The following LRRC8B variants were observed in gnomAD, a reference collection of about 807,000 sequenced individuals.
LRRC8B encodes leucine rich repeat containing 8 VRAC subunit B.
Under a neutral mutation model 58.8 loss-of-function variants are expected in LRRC8B, and 23 were observed. The observed-to-expected ratio is 0.39, with a 90% confidence interval of 0.28 to 0.55. The LOEUF is 0.55. Among genes scored for constraint, LRRC8B ranks in the 20% least tolerant of loss-of-function variants. The pLI is 0.62. For synonymous variants in LRRC8B, 359 were observed against 374.1 expected (o/e 0.96, Z 0.47); for missense variants, 694 against 936.0 (o/e 0.74, Z 3.37).
intron 3 of LRRC8B, among the ~76,000 whole-genome samples, chr1:89,578,862 T>C (rs1450805996): frequency 6.6e-6 from 1 of 152,224 alleles, no homozygotes; most frequent in Non-Finnish European, 1.5e-5. Flanking sequence ...AATTTAACTA[T>C]CACAAATTAT....
chr1:89,584,330 G>T lies in LRRC8B; in HGVS notation c.1680G>T (p.Leu560=), dbSNP rs749020171. The stretch of plus-strand genomic sequence containing the variant: ...TCCCACAAGTTGTTACAGACCTCCT[G>T]CCTTCATTGCAGAAACTGTCCCTTG... The part of the protein sequence containing the change: ...SRIPQVVTDL[L]PSLQKLSLDN... The change falls in exon 5 of 6, where the codon CTG becomes CTT. Residue 560 remains leucine (L), a synonymous_variant. Transcript: ENST00000330947. The T allele has an allele frequency of 8.7e-6, 14 of 1,614,036 alleles. No homozygotes were observed. The East Asian group carries it at 3.1e-4, about 36-fold the overall frequency.
At chr1:89,590,266 G>C (rs934995257) in intron 5 of LRRC8B, among the ~76,000 whole-genome samples, 2 of 152,170 alleles carry the variant, frequency 1.3e-5, no homozygotes, top group Admixed American at 1.3e-4. Flanking sequence ...AGGCAAAATT[G>C]GAGTTCTTGT....
chr1:89,553,454 C>T (rs1013530563), intron 1 of LRRC8B, among the ~76,000 whole-genome samples: 22 of 152,150 alleles, frequency 1.4e-4, no homozygotes, highest in African/African-American at 5.1e-4. Flanking sequence ...ATATCTGGCA[C>T]CCTTTTGTGT....
Position 89,584,281 on chromosome 1 carries a change from A to C in LRRC8B, c.1631A>C (p.Tyr544Ser), listed in dbSNP as rs373826324. 6.2e-7 allele frequency: 1 copy of C among 1,613,840 alleles called. No homozygotes were observed. Among genetic ancestry groups the C allele is most frequent in the East Asian group, 2.2e-5 (1 of 44,894 alleles). ...GACTTAAAAAATCTAAGGACCCTGT[A>C]CTTGAAGAGCAGCCTCTCCCGGATC... ...FQDLKNLRTL[Y>S]LKSSLSRIPQ... Residue 544 changes from tyrosine (Y) to serine (S), a missense_variant, in exon 5 of 6, where the codon TAC (tyrosine) becomes TCC (serine). Tyr to Ser is a moderately radical substitution (Grantham distance 144, BLOSUM62 -2). Coordinates refer to ENST00000330947, the MANE Select transcript of LRRC8B (RefSeq NM_001369817.2).
In LRRC8B at chr1:89,579,686, G is replaced by A. The variant is rs1002810127; in HGVS notation, c.-29G>A. 4 of 152,550 alleles carry A rather than the reference G, an allele frequency of 2.6e-5. No individual in the cohort carries two copies. Among genetic ancestry groups the A allele is most frequent in the Non-Finnish European group, 5.9e-5 (4 of 68,010 alleles). The allele number at this position is 152,550 out of a possible 1,614,324, so 9.4% of individuals were successfully genotyped here. A position where few individuals can be genotyped will look rare whatever the true frequency, so the allele number is the denominator to read the frequency against. On this transcript the variant is annotated splice_region_variant and 5_prime_UTR_variant, in exon 4 of 6. Coordinates refer to ENST00000330947, the MANE Select transcript of LRRC8B (RefSeq NM_001369817.2). ...TTGGATTTATTTAATTTTTTTCACT[G>A]TAGTAAGTATAAATATTTAAAACAC...
intron 1 of LRRC8B, among the ~76,000 whole-genome samples, chr1:89,555,461 C>T (rs1652117093): frequency 6.6e-6 from 1 of 152,192 alleles, no homozygotes; most frequent in Non-Finnish European, 1.5e-5. Context: ...CTAATTAAAA[C>T]TCTTGTATCT....
chr1:89,593,020 C>T lies in LRRC8B; in HGVS notation c.2389C>T (p.Gln797Ter), dbSNP rs1655089760. ...TCCTCTCCCTGTAACAGAACGTTTA[C>T]AGACGTGCTTAGACAAATGTTGACT... ...TLPLPVTERL[Q>*]TCLDKC Residue 797 changes from glutamine to a stop codon, truncating the protein, a stop_gained, in exon 6 of 6, where the codon CAG becomes TAG. Transcript: ENST00000330947. LOFTEE classifies it high-confidence loss of function. 6.2e-7 allele frequency: 1 copy of T among 1,613,886 alleles called. No homozygotes were observed.
chr1:89,534,008 A>G (rs558384540), intron 1 of LRRC8B, among the ~76,000 whole-genome samples: 4 of 152,322 alleles, frequency 2.6e-5, no homozygotes, highest in African/African-American at 7.2e-5. Flanking sequence ...AGATTTAGCA[A>G]CTTGTAGGGG....
At position 89,583,911 on chromosome 1, in the gene LRRC8B, A is replaced by G; in HGVS notation, c.1261A>G (p.Lys421Glu). ...KSKLVKNAQDKIELHLFMLNG... is the reference protein window; with the variant it reads ...KSKLVKNAQDEIELHLFMLNG... ...TAAGCTTGTGAAAAATGCCCAGGAC[A>G]AGATAGAACTGCATCTTTTTATGCT... is the stretch of plus-strand genomic sequence containing the variant. The change falls in exon 5 of 6, where the codon AAG becomes GAG. Residue 421 changes from lysine to glutamate, a missense_variant. By Grantham distance (56) the Lys-to-Glu change is moderately conservative. This residue lies in a region of LRRC8B where 162 missense variants were observed against 198.5 expected (regional missense o/e 0.82). Coordinates refer to ENST00000330947, the MANE Select transcript of LRRC8B (RefSeq NM_001369817.2). This position sits in a 1 kb window ranked among gnomAD's most constrained non-coding sequence, Gnocchi z 5.2. The G allele has an allele frequency of 6.2e-7, 1 of 1,614,230 alleles. No individual in the cohort carries two copies. The highest frequency in any genetic ancestry group is 8.5e-7 in the Non-Finnish European group (1 of 1,180,040).
At chr1:89,581,273 CAAAAAAAAAAAAAAAA>C (rs5776023) in intron 4 of LRRC8B, among the ~76,000 whole-genome samples, 2 of 72,558 alleles carry the variant, frequency 2.8e-5, no homozygotes, top group South Asian at 5.9e-4. Flanking sequence ...GACTCCGTCT[CAAAAAAAAAAAAAAAA>C]AAAAAAAAGG....
At chr1:89,558,117 G>T (rs1011486594) in intron 1 of LRRC8B, among the ~76,000 whole-genome samples, 2 of 152,142 alleles carry the variant, frequency 1.3e-5, no homozygotes, top group African/African-American at 4.8e-5. Context: ...GCAAGAGGTG[G>T]CCATAGCTAA....
intron 1 of LRRC8B, among the ~76,000 whole-genome samples, chr1:89,550,448 C>T (rs1272741629): frequency 2.0e-5 from 3 of 152,198 alleles, no homozygotes; most frequent in African/African-American, 7.2e-5. Context: ...ACCTGTGTCT[C>T]ATTAGGTCTG....
chr1:89,554,210 C>T (rs1557602009), intron 1 of LRRC8B, among the ~76,000 whole-genome samples: 1 of 152,156 alleles, frequency 6.6e-6, no homozygotes, highest in Non-Finnish European at 1.5e-5. Flanking sequence ...CTCACTAATT[C>T]ATTAAATTGA....
At chr1:89,532,398 T>A (rs1410090050) in intron 1 of LRRC8B, among the ~76,000 whole-genome samples, 1 of 152,162 alleles carries the variant, frequency 6.6e-6, no homozygotes, top group East Asian at 1.9e-4. Context: ...ATTGATATAG[T>A]TTGGCTGTGT....
intron 1 of LRRC8B, among the ~76,000 whole-genome samples, chr1:89,566,511 G>A (rs970975207): frequency 5.3e-5 from 8 of 152,210 alleles, no homozygotes; most frequent in Non-Finnish European, 7.3e-5. Flanking sequence ...TAGCTGTCCT[G>A]CCAAACAAGA....
intron 1 of LRRC8B, among the ~76,000 whole-genome samples, chr1:89,567,919 GATAT>G (rs1240080011): frequency 1.3e-5 from 2 of 151,946 alleles, no homozygotes; most frequent in African/African-American, 4.8e-5. Context: ...AAAAGCCTGT[GATAT>G]ATAAGTGGCA....
intron 5 of LRRC8B, among the ~76,000 whole-genome samples, chr1:89,591,721 T>A (rs1010750517): frequency 1.3e-5 from 2 of 152,190 alleles, no homozygotes; most frequent in Admixed American, 1.3e-4. Context: ...TAGAAACTTG[T>A]CTCCCAGCCG....
In LRRC8B at chr1:89,582,405, A is replaced by C. The variant is rs956990179; in HGVS notation, c.-26-220A>C. ...AAATTTCTTTCTAGTCAGTATCACT[A>C]AATGGTCCCCCATCTAAGAGACTAT... On this transcript the variant is annotated intron_variant, in intron 4 of 5. Coordinates refer to ENST00000330947, the MANE Select transcript of LRRC8B (RefSeq NM_001369817.2). Among the ~76,000 whole-genome samples the C allele has an allele frequency of 4.6e-5, 7 of 152,174 alleles. No homozygotes were observed. In the South Asian group the frequency reaches 1.2e-3, roughly 27 times the overall value.
chr1:89,532,389 T>C (rs116543785), intron 1 of LRRC8B, among the ~76,000 whole-genome samples: 5,148 of 152,304 alleles, frequency 0.034, 116 homozygotes, highest in South Asian at 0.049. Context: ...TATTACCTCA[T>C]TGATATAGTT....
Sources: gnomAD v4.1 joint callset for allele counts (sites outside exome capture counted in the v4.1 genomes callset) on GRCh38, gnomAD v4.1.1 for gene constraint, gnomAD v4.1.1 regional missense constraint, Gnocchi (gnomAD v3.1) non-coding constraint, MANE v1.5 for transcripts, NCBI Gene and HGNC (gene_info 2026-07-23, HGNC 2026-07-21) for gene names.